The following ARHGAP24 variants were observed in gnomAD, a reference collection of about 807,000 sequenced individuals.
ARHGAP24 encodes the protein Rho GTPase activating protein 24.
Under a neutral mutation model 76.4 loss-of-function variants are expected in ARHGAP24, and 50 were observed. The ratio of observed to expected loss-of-function variants is 0.65; its 90% CI spans 0.52 to 0.83. The LOEUF (loss-of-function observed/expected upper bound fraction) is 0.83. ARHGAP24 is among the 40% of genes least tolerant of loss of function. The pLI, the probability that ARHGAP24 is intolerant of heterozygous loss-of-function variation, is 0.00. For synonymous variants in ARHGAP24, 345 were observed against 323.3 expected, an observed-to-expected ratio of 1.07 and a Z score of -0.72; for missense variants, 930 against 914.2, an observed-to-expected ratio of 1.02 and a Z score of -0.22.
chr4:85,543,352 G>A (rs1725784723), intron 1 of ARHGAP24, among the ~76,000 whole-genome samples: 1 of 152,190 alleles, frequency 6.6e-6, no homozygotes, highest in South Asian at 2.1e-4. Context: ...GAACAATGAA[G>A]TCATCATTTA....
At chr4:85,797,865 T>G (rs1346529045) in intron 3 of ARHGAP24, among the ~76,000 whole-genome samples, 1 of 152,160 alleles carries the variant, frequency 6.6e-6, no homozygotes, top group Admixed American at 6.5e-5. Context: ...AAGTAATTAT[T>G]TCGGAGGGGA....
At chr4:85,850,548 C>T (rs568122527) in intron 3 of ARHGAP24, among the ~76,000 whole-genome samples, 17 of 152,194 alleles carry the variant, frequency 1.1e-4, no homozygotes, top group South Asian at 8.3e-4. Flanking sequence ...GTTAGGGTGT[C>T]GATTTTAGAT....
At chr4:85,856,599 T>A (rs2110170477) in intron 3 of ARHGAP24, among the ~76,000 whole-genome samples, 1 of 151,316 alleles carries the variant, frequency 6.6e-6, no homozygotes, top group South Asian at 2.1e-4. Context: ...GCCTCCCAAG[T>A]AGCTGAGATT....
At chr4:85,487,963 T>C (rs922175598) in intron 1 of ARHGAP24, among the ~76,000 whole-genome samples, 1 of 146,076 alleles carries the variant, frequency 6.8e-6, no homozygotes, top group Non-Finnish European at 1.5e-5. Flanking sequence ...TGTAGTGCAG[T>C]GGCGTGATCT....
intron 3 of ARHGAP24, among the ~76,000 whole-genome samples, chr4:85,724,820 C>T (rs343859): frequency 3.3e-5 from 5 of 151,946 alleles, no homozygotes; most frequent in Non-Finnish European, 7.4e-5. Context: ...ATAGATTTTT[C>T]GCTCCAAATT....
chr4:85,825,376 A>C (rs1729664698), intron 3 of ARHGAP24, among the ~76,000 whole-genome samples: 1 of 152,196 alleles, frequency 6.6e-6, no homozygotes, highest in African/African-American at 2.4e-5. Context: ...AGAACCTGCC[A>C]ATTTATTAAC....
chr4:85,747,585 C>A (rs1726096078), intron 3 of ARHGAP24, among the ~76,000 whole-genome samples: 1 of 151,902 alleles, frequency 6.6e-6, no homozygotes, highest in African/African-American at 2.4e-5. Flanking sequence ...CGCCTGTAGT[C>A]CCAGCTACTC....
chr4:85,927,024 T>A (rs1282450068), intron 4 of ARHGAP24, among the ~76,000 whole-genome samples: 1 of 151,992 alleles, frequency 6.6e-6, no homozygotes, highest in African/African-American at 2.4e-5. Flanking sequence ...GTTTTATGAG[T>A]CATTCAAAAG....
At chr4:85,487,762 TA>T (rs1442845026) in intron 1 of ARHGAP24, among the ~76,000 whole-genome samples, 1 of 107,426 alleles carries the variant, frequency 9.3e-6, no homozygotes, top group Non-Finnish European at 1.7e-5. Context: ...TATTATATAT[TA>T]TATAATATAT....
chr4:85,941,373 AATTCTAAACAATGTACATGATAAAAT>A (rs1456772779), intron 4 of ARHGAP24, among the ~76,000 whole-genome samples: 1 of 152,202 alleles, frequency 6.6e-6, no homozygotes, highest in Non-Finnish European at 1.5e-5. Context: ...CTGTACTGCC[AATTCTAAACAATGTACATGATAAAAT>A]ACCCTACCTG....
intron 2 of ARHGAP24, among the ~76,000 whole-genome samples, chr4:85,644,081 T>A (rs1027956366): frequency 6.6e-6 from 1 of 152,118 alleles, no homozygotes; most frequent in Non-Finnish European, 1.5e-5. Context: ...TGTTCTTGGG[T>A]CAAAAAGAGA....
intron 2 of ARHGAP24, among the ~76,000 whole-genome samples, chr4:85,673,984 T>A: frequency 6.6e-6 from 1 of 151,380 alleles, no homozygotes; most frequent in Non-Finnish European, 1.5e-5. Flanking sequence ...AAATCTGGAC[T>A]AATGTGTTGT....
intron 9 of ARHGAP24, 118 bp from the exon 10 acceptor site, chr4:86,000,361 T>G: frequency 1.2e-6 from 1 of 830,572 alleles, no homozygotes; most frequent in Non-Finnish European, 2.0e-6. Flanking sequence ...TCCAATTTCC[T>G]AAGCATCATA....
intron 3 of ARHGAP24, among the ~76,000 whole-genome samples, chr4:85,761,214 C>T (rs1293820117): frequency 6.6e-6 from 1 of 152,148 alleles, no homozygotes; most frequent in African/African-American, 2.4e-5. Context: ...TAATTTGATT[C>T]TCTCTTGTTA....
chr4:85,502,181 G>A (rs939061631), intron 1 of ARHGAP24, among the ~76,000 whole-genome samples: 1 of 152,092 alleles, frequency 6.6e-6, no homozygotes. Flanking sequence ...TGTTCTTTTT[G>A]CTTAGGATTG....
chr4:85,722,961 C>T (rs1454959848), intron 3 of ARHGAP24, among the ~76,000 whole-genome samples: 1 of 152,196 alleles, frequency 6.6e-6, no homozygotes, highest in Admixed American at 6.5e-5. Context: ...TCATCTGGCT[C>T]ATGATGGAAT....
At chr4:85,749,712 C>T (rs968312987) in intron 3 of ARHGAP24, among the ~76,000 whole-genome samples, 14 of 152,010 alleles carry the variant, frequency 9.2e-5, no homozygotes, top group African/African-American at 3.4e-4. Flanking sequence ...ATTACAGGCA[C>T]CTGCCACCAC....
Position 85,733,047 on chromosome 4 carries a change from T to C in ARHGAP24, c.268+11075T>C, listed in dbSNP as rs72974987. On this transcript the variant is annotated intron_variant, in intron 3 of 9. Transcript: ENST00000395184. ...TTGCATCAACCAGCTATAGATCTTA[T>C]AGGCCTCACCAACTTTTTTTTTTTT... 6.3e-3 allele frequency among the ~76,000 whole-genome samples: 783 copies of C among 124,108 alleles called. 10 individuals carry two copies. Among genetic ancestry groups the C allele is most frequent in the African/African-American group, 0.021 (721 of 34,864 alleles). 81.4% of individuals were successfully genotyped at this position (124,108 alleles called of 152,430 possible).
chr4:85,848,019 A>C (rs1321280021), intron 3 of ARHGAP24, among the ~76,000 whole-genome samples: 1 of 152,114 alleles, frequency 6.6e-6, no homozygotes, highest in Non-Finnish European at 1.5e-5. Context: ...AGAGATAGTC[A>C]TCTAATCTGT....
Sources: gnomAD v4.1 joint callset for allele counts (sites outside exome capture counted in the v4.1 genomes callset) on GRCh38, gnomAD v4.1.1 for gene constraint, MANE v1.5 for transcripts, NCBI Gene and HGNC (gene_info 2026-07-23, HGNC 2026-07-21) for gene names.